Variants in CNOT2 observed in about 807,000 individuals in gnomAD.
The protein encoded by CNOT2 is CCR4-NOT transcription complex subunit 2, also known as CC chemokine receptor 4-negative regulator of transcription 2.
In CNOT2, 7 loss-of-function variants were observed where a neutral mutation model predicts 72.1. That is an observed-to-expected ratio of 0.10 (90% CI 0.06 to 0.18). The LOEUF is 0.18. Among genes scored for constraint, CNOT2 ranks in the 10% least tolerant of loss-of-function variants. The pLI is 1.00. For synonymous variants in CNOT2, 196 were observed against 225.6 expected (o/e 0.87, Z 1.17); for missense variants, 345 against 660.3 (o/e 0.52, Z 5.23).
intron 2 of CNOT2, among the ~76,000 whole-genome samples, chr12:70,294,450 A>T (rs1419481675): frequency 3.3e-5 from 5 of 152,192 alleles, no homozygotes; most frequent in Non-Finnish European, 7.4e-5. Context: ...TAAATTATTT[A>T]AAAAATAGTG....
chr12:70,322,566 T>C (rs951848576), intron 4 of CNOT2: 1 of 151,704 alleles, frequency 6.6e-6, no homozygotes, highest in African/African-American at 2.4e-5. Context: ...TCTGGGTGAA[T>C]TCATTATACA....
At chr12:70,305,616 C>G (rs1003640121) in intron 2 of CNOT2, among the ~76,000 whole-genome samples, 1 of 152,182 alleles carries the variant, frequency 6.6e-6, no homozygotes, top group Non-Finnish European at 1.5e-5. Flanking sequence ...TGACATTTTT[C>G]AGAGATTACC....
chr12:70,265,273 T>TTCTTA (rs1958971521), intron 1 of CNOT2, among the ~76,000 whole-genome samples: 1 of 125,382 alleles, frequency 8.0e-6, no homozygotes, highest in Non-Finnish European at 1.7e-5. Context: ...TTCGTTTTGT[T>TTCTTA]TCTTCTCTTC....
intron 1 of CNOT2, among the ~76,000 whole-genome samples, chr12:70,262,408 G>A (rs1174033121): frequency 6.6e-6 from 1 of 151,818 alleles, no homozygotes; most frequent in Non-Finnish European, 1.5e-5. Flanking sequence ...GAAGTAGCTG[G>A]GACTACAGGC....
intron 2 of CNOT2, among the ~76,000 whole-genome samples, chr12:70,308,584 T>TCTCACACA (rs550679130): frequency 2.8e-3 from 370 of 133,308 alleles, no homozygotes; most frequent in African/African-American, 8.7e-3. Context: ...TCTCTCTCTC[T>TCTCACACA]CACACACACA....
chr12:70,284,456 C>T (rs568160769), intron 2 of CNOT2, among the ~76,000 whole-genome samples: 31 of 151,724 alleles, frequency 2.0e-4, no homozygotes, highest in African/African-American at 4.6e-4. Context: ...ATGTTGGCCA[C>T]GCTAGTCTCA....
At chr12:70,253,118 TGTA>T (rs1337924381) in intron 1 of CNOT2, among the ~76,000 whole-genome samples, 1 of 152,242 alleles carries the variant, frequency 6.6e-6, no homozygotes, top group Non-Finnish European at 1.5e-5. Context: ...TTGCTCTGTC[TGTA>T]GTACTTGGCA....
chr12:70,286,183 G>A lies in CNOT2; in HGVS notation c.48+7909G>A, dbSNP rs149177480. 7.2e-4 allele frequency among the ~76,000 whole-genome samples: 107 copies of A among 149,128 alleles called. 7 individuals carry two copies. In the South Asian group the frequency reaches 8.6e-3, roughly 12 times the overall value. Reference sequence around the variant, plus strand: ...TAGAGAAGTTTATCTGAACAAAGCAGTATTCTAAAACTTCAGGAAGATTAC... The same window carrying A: ...TAGAGAAGTTTATCTGAACAAAGCAATATTCTAAAACTTCAGGAAGATTAC... On this transcript the variant is annotated intron_variant, in intron 2 of 15. Coordinates refer to ENST00000229195, the MANE Select transcript of CNOT2 (RefSeq NM_014515.7).
At chr12:70,335,623 T>A in intron 8 of CNOT2, 60 bp downstream of exon 8, 1 of 1,248,912 alleles carries the variant, frequency 8.0e-7, no homozygotes, top group Non-Finnish European at 1.2e-6. Flanking sequence ...CACACACATA[T>A]ACATTTACAT....
chr12:70,335,611 T>G, intron 8 of CNOT2, 48 bp downstream of exon 8: 1 of 1,427,518 alleles, frequency 7.0e-7, no homozygotes, highest in Non-Finnish European at 9.9e-7. Context: ...CCATTGTATG[T>G]GCACACACAT....
intron 1 of CNOT2, among the ~76,000 whole-genome samples, chr12:70,260,863 T>TTC (rs1227847079): frequency 7.9e-5 from 12 of 151,988 alleles, no homozygotes; most frequent in Admixed American, 7.2e-4. Flanking sequence ...ATTTTTTTTT[T>TTC]TTTTGCCTAA....
At chr12:70,341,065 T>C (rs1208606485) in intron 11 of CNOT2, among the ~76,000 whole-genome samples, 5 of 152,024 alleles carry the variant, frequency 3.3e-5, no homozygotes, top group Non-Finnish European at 1.5e-5. Context: ...GTATTTTTAG[T>C]AGAGACGGGA....
upstream of CNOT2, chr12:70,243,086 C>G (rs1423216271): frequency 7.2e-5 from 11 of 152,366 alleles, no homozygotes; most frequent in Admixed American, 2.6e-4. Context: ...CCCTGGACCC[C>G]GCAGTCCCCC....
intron 15 of CNOT2, among the ~76,000 whole-genome samples, chr12:70,353,527 T>C (rs1202347554): frequency 2.0e-5 from 3 of 152,164 alleles, no homozygotes; most frequent in Non-Finnish European, 4.4e-5. Flanking sequence ...GATACAGTAA[T>C]TGCCCCCTCT....
chr12:70,297,210 TAAG>T (rs944795520), intron 2 of CNOT2, among the ~76,000 whole-genome samples: 2 of 152,178 alleles, frequency 1.3e-5, no homozygotes, highest in African/African-American at 2.4e-5. Flanking sequence ...AGAGAGAAAA[TAAG>T]AACTCAAATT....
chr12:70,271,420 C>T (rs113534775), intron 1 of CNOT2, among the ~76,000 whole-genome samples: 2,209 of 132,182 alleles, frequency 0.017, 60 homozygotes, highest in African/African-American at 0.06. Context: ...CTTGCCCAGG[C>T]TGGAGTGCAG....
Position 70,293,914 on chromosome 12 carries a change from CTTT to C in CNOT2, c.48+15664_48+15666del, listed in dbSNP as rs34038348. Among the ~76,000 whole-genome samples the C allele has an allele frequency of 1.2e-3, 84 of 71,338 alleles. 1 individual carries two copies. Among genetic ancestry groups the C allele is most frequent in the Admixed American group, 5.5e-3 (33 of 5,990 alleles). 46.8% of individuals were successfully genotyped at this position (71,338 alleles called of 152,430 possible). A position where few individuals can be genotyped will look rare whatever the true frequency, so the allele number is the denominator to read the frequency against. On this transcript the variant is annotated intron_variant, in intron 2 of 15. Transcript: ENST00000229195. Reference sequence around the variant, plus strand: ...GTGTGCAAGTTTGTGGTGAGCACTGCTTTTTTTTTTTTTTTTTTTTTTTTTTAA... The same window carrying C: ...GTGTGCAAGTTTGTGGTGAGCACTGCTTTTTTTTTTTTTTTTTTTTTTTAA...
At chr12:70,346,525 AT>A (rs1200635945) in intron 15 of CNOT2, 1 of 408,440 alleles carries the variant, frequency 2.4e-6, no homozygotes, top group African/African-American at 2.0e-5. Flanking sequence ...ACATTATTGA[AT>A]TTGGTAAGAG....
intron 1 of CNOT2, among the ~76,000 whole-genome samples, chr12:70,249,286 A>G (rs1298450305): frequency 1.3e-5 from 2 of 152,078 alleles, no homozygotes; most frequent in East Asian, 1.9e-4. Context: ...TAAGTTTACT[A>G]TGCCATTCCA....
Sources: gnomAD v4.1 joint callset for allele counts (sites outside exome capture counted in the v4.1 genomes callset) on GRCh38, gnomAD v4.1.1 for gene constraint, MANE v1.5 for transcripts, NCBI Gene and HGNC (gene_info 2026-07-23, HGNC 2026-07-21) for gene names.